The following DTNBP1 variants were observed in gnomAD, a reference collection of about 807,000 sequenced individuals.
DTNBP1 encodes the protein dystrobrevin binding protein 1.
In DTNBP1, 35 loss-of-function variants were observed where a neutral mutation model predicts 42.8. That is an observed-to-expected ratio of 0.82 (90% CI 0.63 to 1.09). DTNBP1 has a LOEUF of 1.09. Ranked by LOEUF, DTNBP1 falls within the 50% of genes least tolerant of loss-of-function variation. The pLI is 0.00. For missense variants in DTNBP1, 457 were observed against 424.2 expected (o/e 1.08, Z -0.68); for synonymous variants, 171 against 162.2 (o/e 1.05, Z -0.41).
intron 6 of DTNBP1, among the ~76,000 whole-genome samples, chr6:15,597,317 G>A (rs939512269): frequency 6.6e-6 from 1 of 152,170 alleles, no homozygotes; most frequent in Admixed American, 6.5e-5. Flanking sequence ...GGAGAAGCAA[G>A]GACTGAGCTG....
intron 8 of DTNBP1, among the ~76,000 whole-genome samples, chr6:15,526,767 G>C (rs1165927411): frequency 6.6e-6 from 1 of 152,186 alleles, no homozygotes; most frequent in Non-Finnish European, 1.5e-5. Flanking sequence ...TTAGATCGTG[G>C]CTTCTGACTT....
chr6:15,592,278 A>G (rs1201620027), intron 7 of DTNBP1, among the ~76,000 whole-genome samples: 3 of 152,260 alleles, frequency 2.0e-5, no homozygotes, highest in African/African-American at 7.2e-5. Context: ...CAACAAAATC[A>G]GAAGTGATTT....
chr6:15,526,868 T>A (rs1396022035), intron 8 of DTNBP1, among the ~76,000 whole-genome samples: 4 of 152,118 alleles, frequency 2.6e-5, no homozygotes, highest in Admixed American at 2.0e-4. Flanking sequence ...TTCAGGAAAA[T>A]TCTGTAGCAA....
chr6:15,530,334 A>C (rs1373426694), intron 8 of DTNBP1, among the ~76,000 whole-genome samples: 2 of 152,216 alleles, frequency 1.3e-5, no homozygotes, highest in African/African-American at 4.8e-5. Context: ...CTCAAGAGAA[A>C]GCTAAAAAGC....
In DTNBP1 at chr6:15,662,680, C is replaced by CGGCGGGGCGG; in HGVS notation, c.56+124_56+133dup. The CGGCGGGGCGG allele has an allele frequency of 3.1e-6, 4 of 1,292,468 alleles. No homozygotes were observed. In the South Asian group the frequency reaches 3.7e-5, roughly 12 times the overall value. 80.1% of individuals were successfully genotyped at this position (1,292,468 alleles called of 1,614,324 possible). ...ACGCCGGGAAGTTCGTTACTTTCCTCGGCGGGGCGGGGCGGGGAGGTGCGG... is the reference window on the plus strand; with the variant it reads ...ACGCCGGGAAGTTCGTTACTTTCCTCGGCGGGGCGGGGCGGGGCGGGGCGGGGAGGTGCGG... On this transcript the variant is annotated intron_variant, in intron 1 of 9. Transcript: ENST00000344537.
At chr6:15,549,153 C>T (rs1476573149) in intron 7 of DTNBP1, among the ~76,000 whole-genome samples, 1 of 152,122 alleles carries the variant, frequency 6.6e-6, no homozygotes, top group African/African-American at 2.4e-5. Context: ...CTAATTTGAG[C>T]ATTACAATCA....
chr6:15,528,977 G>C (rs1772615088), intron 8 of DTNBP1, among the ~76,000 whole-genome samples: 1 of 152,242 alleles, frequency 6.6e-6, no homozygotes, highest in Admixed American at 6.5e-5. Context: ...TATATGTACA[G>C]AGAGAGAAAT....
chr6:15,524,106 A>G (rs1467956972), intron 9 of DTNBP1: 2 of 1,341,906 alleles, frequency 1.5e-6, no homozygotes, highest in African/African-American at 1.5e-5. Flanking sequence ...AACACACACC[A>G]TGGCTTTGCC....
chr6:15,572,304 T>A (rs539136984), intron 7 of DTNBP1, among the ~76,000 whole-genome samples: 1 of 152,314 alleles, frequency 6.6e-6, no homozygotes, highest in East Asian at 1.9e-4. Flanking sequence ...CCAGTGTGTC[T>A]AACAGCTTTT....
At chr6:15,539,765 C>T (rs921821901) in intron 7 of DTNBP1, among the ~76,000 whole-genome samples, 2 of 152,196 alleles carry the variant, frequency 1.3e-5, no homozygotes, top group Admixed American at 6.5e-5. Context: ...TTCTTTTCCT[C>T]GCTGTCTCAC....
chr6:15,615,851 T>C (rs1354337994), intron 5 of DTNBP1, among the ~76,000 whole-genome samples: 2 of 152,256 alleles, frequency 1.3e-5, no homozygotes, highest in Non-Finnish European at 2.9e-5. Context: ...TTGTTTTGCC[T>C]CTGGCACATC....
intron 7 of DTNBP1, 74 bp from the exon 8 acceptor site, chr6:15,533,469 G>A (rs952268286): frequency 2.0e-5 from 32 of 1,609,318 alleles, no homozygotes; most frequent in Admixed American, 3.3e-5. Flanking sequence ...ACAGCTGCTC[G>A]CATCCACCCT....
chr6:15,532,366 G>A (rs142592685), intron 8 of DTNBP1, among the ~76,000 whole-genome samples: 1 of 152,220 alleles, frequency 6.6e-6, no homozygotes, highest in Non-Finnish European at 1.5e-5. Context: ...CTGAGGGAAA[G>A]ATTTTAAATG....
chr6:15,651,950 A>G, intron 2 of DTNBP1, 137 bp downstream of exon 2: 1 of 736,686 alleles, frequency 1.4e-6, no homozygotes, highest in Non-Finnish European at 2.2e-6. Flanking sequence ...AAATTTAGAA[A>G]GAATCGATAA....
chr6:15,626,095 C>A (rs11962577), intron 5 of DTNBP1, among the ~76,000 whole-genome samples: 4,161 of 152,298 alleles, frequency 0.027, 185 homozygotes, highest in African/African-American at 0.088. Flanking sequence ...ACTGCCTCAT[C>A]ACCTCATCCT....
intron 8 of DTNBP1, among the ~76,000 whole-genome samples, chr6:15,532,812 G>A (rs917452311): frequency 6.8e-6 from 1 of 146,108 alleles, no homozygotes; most frequent in African/African-American, 2.6e-5. Context: ...TGATTCCCGT[G>A]CTTCAGCCTC....
intron 3 of DTNBP1, among the ~76,000 whole-genome samples, chr6:15,645,787 T>C (rs746299560): frequency 1.2e-4 from 18 of 152,016 alleles, no homozygotes; most frequent in Non-Finnish European, 2.1e-4. Flanking sequence ...GGAACATACC[T>C]GAAAATACTA....
At chr6:15,530,171 A>G (rs1207097310) in intron 8 of DTNBP1, among the ~76,000 whole-genome samples, 1 of 152,212 alleles carries the variant, frequency 6.6e-6, no homozygotes, top group African/African-American at 2.4e-5. Flanking sequence ...TAAAATTTTG[A>G]TTGATTCTCC....
At chr6:15,530,638 G>A (rs1001413274) in intron 8 of DTNBP1, among the ~76,000 whole-genome samples, 5 of 152,108 alleles carry the variant, frequency 3.3e-5, no homozygotes, top group African/African-American at 7.2e-5. Context: ...CTTCCAAGCC[G>A]GCCACGCGTC....
Sources: gnomAD v4.1 joint callset for allele counts (sites outside exome capture counted in the v4.1 genomes callset) on GRCh38, gnomAD v4.1.1 for gene constraint, MANE v1.5 for transcripts, NCBI Gene and HGNC (gene_info 2026-07-23, HGNC 2026-07-21) for gene names.